ATXN7L1: variants seen among roughly 807,000 people sequenced by gnomAD.
The protein encoded by ATXN7L1 is ataxin-7-like protein 1.
ATXN7L1 carries 15 observed loss-of-function variants against 70.8 expected under a neutral mutation model. The observed-to-expected ratio is 0.21, with a 90% CI of 0.14 to 0.33. ATXN7L1 has a LOEUF of 0.33. Among genes scored for constraint, ATXN7L1 ranks in the 10% least tolerant of loss-of-function variants. ATXN7L1 has a pLI of 1.00. For missense variants in ATXN7L1, 975 were observed against 1,097.1 expected (o/e 0.89, Z 1.57); for synonymous variants, 440 against 445.1 (o/e 0.99, Z 0.14).
chr7:105,778,194 T>C (rs1015959644), intron 3 of ATXN7L1, among the ~76,000 whole-genome samples: 2 of 152,016 alleles, frequency 1.3e-5, no homozygotes, highest in Non-Finnish European at 2.9e-5. Flanking sequence ...AGATAATAAG[T>C]AGAAGATTGT....
chr7:105,846,881 C>T (rs1185968314), intron 2 of ATXN7L1, among the ~76,000 whole-genome samples: 2 of 152,110 alleles, frequency 1.3e-5, no homozygotes, highest in East Asian at 1.9e-4. Context: ...TATATAATTC[C>T]ATTTATACGA....
chr7:105,723,404 T>C (rs1408366547), intron 3 of ATXN7L1, among the ~76,000 whole-genome samples: 1 of 152,236 alleles, frequency 6.6e-6, no homozygotes, highest in African/African-American at 2.4e-5. Context: ...ATATTTAGTA[T>C]TTATATTATT....
intron 3 of ATXN7L1, among the ~76,000 whole-genome samples, chr7:105,764,759 T>A (rs1274391966): frequency 1.3e-5 from 2 of 152,214 alleles, no homozygotes; most frequent in African/African-American, 4.8e-5. Flanking sequence ...ATTCTTTATA[T>A]GTAACTTTTC....
At position 105,729,860 on chromosome 7, in the gene ATXN7L1, C is replaced by T. The variant is rs537615980; in HGVS notation, c.355+58744G>A. 9.3e-3 allele frequency among the ~76,000 whole-genome samples: 1,420 copies of T among 152,186 alleles called. 10 individuals are homozygous for T. The highest frequency in any genetic ancestry group is 0.015 in the Non-Finnish European group (1,026 of 68,008). The stretch of plus-strand genomic sequence containing the variant: ...TCACGCCATTCTCCTGCCTCAGCCT[C>T]CCGAGTAGCTGGGACTACAGGCGCC... On this transcript the variant is annotated intron_variant, in intron 3 of 11. Transcript: ENST00000419735.
chr7:105,704,584 CTTTTTTTTTTTTTT>C (rs11329205), intron 3 of ATXN7L1, among the ~76,000 whole-genome samples: 4 of 89,490 alleles, frequency 4.5e-5, no homozygotes, highest in African/African-American at 1.3e-4. Context: ...GGTTTTATCT[CTTTTTTTTTTTTTT>C]TTTTTTTTTT....
At chr7:105,640,121 A>C (rs936203696) in intron 5 of ATXN7L1, among the ~76,000 whole-genome samples, 3 of 151,984 alleles carry the variant, frequency 2.0e-5, no homozygotes, top group African/African-American at 7.3e-5. Context: ...TGCTTGACAA[A>C]GCTCTCGGCG....
At position 105,728,512 on chromosome 7, in the gene ATXN7L1, A is replaced by G. The variant is rs887684730; in HGVS notation, c.355+60092T>C. On this transcript the variant is annotated intron_variant, in intron 3 of 11. Coordinates refer to ENST00000419735, the MANE Select transcript of ATXN7L1 (RefSeq NM_020725.2). ...TTAATATAGATATAGATGATTACAT[A>G]TAGAAATATTTATAGGTATATGATA... 5.3e-5 allele frequency among the ~76,000 whole-genome samples: 8 copies of G among 152,222 alleles called. No individual in the cohort carries two copies. In the East Asian group the frequency reaches 1.5e-3, roughly 29 times the overall value.
chr7:105,740,769 A>ATTTTTTTTTTTTTTTTTTT (rs1235457353), intron 3 of ATXN7L1, among the ~76,000 whole-genome samples: 1 of 85,686 alleles, frequency 1.2e-5, no homozygotes, highest in Admixed American at 1.3e-4. Flanking sequence ...GGCTCCATTC[A>ATTTTTTTTTTTTTTTTTTT]TTTTTTTTTT....
chr7:105,826,401 G>A (rs1455402789), intron 2 of ATXN7L1, among the ~76,000 whole-genome samples: 1 of 152,154 alleles, frequency 6.6e-6, no homozygotes, highest in Non-Finnish European at 1.5e-5. Context: ...TTCTATGACT[G>A]CATGGTTCTA....
chr7:105,843,644 T>C (rs1477809956), intron 2 of ATXN7L1, among the ~76,000 whole-genome samples: 4 of 152,234 alleles, frequency 2.6e-5, no homozygotes, highest in Non-Finnish European at 5.9e-5. Context: ...GCCACCACTG[T>C]GAGGGGTGGT....
chr7:105,732,560 C>A (rs955084101), intron 3 of ATXN7L1, among the ~76,000 whole-genome samples: 4 of 152,052 alleles, frequency 2.6e-5, no homozygotes, highest in Non-Finnish European at 5.9e-5. Flanking sequence ...GACCATGGAC[C>A]CCCAAGGCCC....
At position 105,620,277 on chromosome 7, in the gene ATXN7L1, C is replaced by G. The variant is rs185236468; in HGVS notation, c.1440G>C (p.Val480=). The G allele has an allele frequency of 4.6e-5, 72 of 1,551,472 alleles. No homozygotes were observed. In the East Asian group the frequency reaches 1.7e-3, roughly 36 times the overall value. ...GAAAACGATCCCATCTTCTATCAAA[C>G]ACATAGTACCCTCGTCCCATGAGGC... ...GSRLMGRGYY[V]FDRRWDRFRF... The change falls in exon 9 of 12, where the codon GTG becomes GTC. Residue 480 remains valine, a synonymous_variant. Coordinates refer to ENST00000419735, the MANE Select transcript of ATXN7L1 (RefSeq NM_020725.2).
chr7:105,677,066 C>T (rs2116137642), intron 3 of ATXN7L1, among the ~76,000 whole-genome samples: 1 of 152,312 alleles, frequency 6.6e-6, no homozygotes, highest in South Asian at 2.1e-4. Flanking sequence ...CTGCAGGAGG[C>T]AGAGCAGGTG....
At chr7:105,720,660 G>A (rs568127916) in intron 3 of ATXN7L1, among the ~76,000 whole-genome samples, 33 of 152,092 alleles carry the variant, frequency 2.2e-4, no homozygotes, top group Middle Eastern at 3.4e-3. Flanking sequence ...TGGTAGAGAC[G>A]GGGTCTCAAT....
At chr7:105,751,079 A>C (rs931477557) in intron 3 of ATXN7L1, among the ~76,000 whole-genome samples, 1 of 151,928 alleles carries the variant, frequency 6.6e-6, no homozygotes, top group Non-Finnish European at 1.5e-5. Context: ...ATTGCTGAAC[A>C]TTTTTCTATT....
intron 3 of ATXN7L1, among the ~76,000 whole-genome samples, chr7:105,753,288 A>C (rs1264975309): frequency 6.6e-6 from 1 of 152,218 alleles, no homozygotes; most frequent in Non-Finnish European, 1.5e-5. Context: ...TGCACAAGTC[A>C]CTTAAATTTT....
At chr7:105,811,196 C>A (rs927552416) in intron 2 of ATXN7L1, among the ~76,000 whole-genome samples, 1 of 152,060 alleles carries the variant, frequency 6.6e-6, no homozygotes, top group South Asian at 2.1e-4. Flanking sequence ...CCTTATACGA[C>A]GAGGAGAAGA....
At chr7:105,651,164 T>C (rs1799774463) in intron 4 of ATXN7L1, among the ~76,000 whole-genome samples, 1 of 152,078 alleles carries the variant, frequency 6.6e-6, no homozygotes, top group African/African-American at 2.4e-5. Flanking sequence ...CTTGGTGGGG[T>C]GGTCTCATGC....
At chr7:105,765,585 C>T (rs559801392) in intron 3 of ATXN7L1, among the ~76,000 whole-genome samples, 1 of 152,266 alleles carries the variant, frequency 6.6e-6, no homozygotes, top group South Asian at 2.1e-4. Context: ...TCTTGCTGCT[C>T]ATTAAACTAC....
Sources: allele counts gnomAD v4.1 joint callset (sites outside exome capture counted in the v4.1 genomes callset), GRCh38; gene constraint gnomAD v4.1.1; transcripts MANE v1.5; gene names NCBI Gene and HGNC (gene_info 2026-07-23, HGNC 2026-07-21).